GMCL1: variants seen among roughly 807,000 people sequenced by gnomAD.
The protein encoded by GMCL1 is germ cell-less 1, spermatogenesis associated.
Under a neutral mutation model 75.5 loss-of-function variants are expected in GMCL1, and 54 were observed. The observed-to-expected ratio is 0.71, with a 90% CI of 0.57 to 0.90. The LOEUF is 0.90. GMCL1 is among the 40% of genes least tolerant of loss of function. GMCL1 has a pLI of 0.00. For synonymous variants in GMCL1, 210 were observed against 209.6 expected (o/e 1.00, Z -0.02); for missense variants, 537 against 622.7 (o/e 0.86, Z 1.47).
In GMCL1 at chr2:69,864,860, A is replaced by G. The variant is rs35874751; in HGVS notation, c.1143-40A>G. Reference sequence around the variant, plus strand: ...TAGTTCTTTTTTAATTATTAGTTGCATATTTTCTATGAACGTTCATATTTT... The same window carrying G: ...TAGTTCTTTTTTAATTATTAGTTGCGTATTTTCTATGAACGTTCATATTTT... On this transcript the variant is annotated intron_variant, in intron 10 of 13. Coordinates refer to ENST00000282570, the MANE Select transcript of GMCL1 (RefSeq NM_178439.5). The G allele has an allele frequency of 0.025, 32,929 of 1,297,638 alleles. 3,813 individuals carry two copies. The Admixed American group carries it at 0.3, about 12-fold the overall frequency. The allele number at this position is 1,297,638 out of a possible 1,614,324, so 80.4% of individuals were successfully genotyped here.
At chr2:69,844,434 T>A (rs998881204) in intron 6 of GMCL1, 2 of 279,016 alleles carry the variant, frequency 7.2e-6, no homozygotes, top group African/African-American at 4.4e-5. Context: ...ATTACTGTTA[T>A]AAGACTATAG....
At chr2:69,864,252 C>G (rs1427341485) in intron 10 of GMCL1, among the ~76,000 whole-genome samples, 1 of 151,750 alleles carries the variant, frequency 6.6e-6, no homozygotes, top group Non-Finnish European at 1.5e-5. Context: ...TACCCAATTT[C>G]TAGGCATTTC....
intron 4 of GMCL1, among the ~76,000 whole-genome samples, 179 bp downstream of exon 4, chr2:69,841,218 A>G (rs745360446): frequency 3.9e-5 from 6 of 152,342 alleles, no homozygotes; most frequent in Middle Eastern, 3.4e-3. Flanking sequence ...ATTTATTACA[A>G]CCGAGGGAGT....
At chr2:69,831,756 A>C (rs1674679659) in intron 1 of GMCL1, among the ~76,000 whole-genome samples, 1 of 151,998 alleles carries the variant, frequency 6.6e-6, no homozygotes, top group Non-Finnish European at 1.5e-5. Flanking sequence ...ACAGGCATGC[A>C]CCACCACACC....
Position 69,869,535 on chromosome 2 carries a change from G to A in GMCL1, c.1219-184G>A, listed in dbSNP as rs1039478773. On this transcript the variant is annotated intron_variant, in intron 11 of 13. Coordinates refer to ENST00000282570, the MANE Select transcript of GMCL1 (RefSeq NM_178439.5). ...TAGAGAATTATGATCATTAAGGGCA[G>A]CTTTTCTAGCTTAGATAAATAGTTT... The A allele has an allele frequency of 1.3e-5, 7 of 534,672 alleles. No homozygotes were observed. The African/African-American group carries it at 1.3e-4, about 10-fold the overall frequency. 33.1% of individuals were successfully genotyped at this position (534,672 alleles called of 1,614,324 possible).
chr2:69,851,734 C>A (rs537912467), intron 8 of GMCL1, among the ~76,000 whole-genome samples: 1 of 152,086 alleles, frequency 6.6e-6, no homozygotes, highest in Non-Finnish European at 1.5e-5. Context: ...CCACTGCACT[C>A]CAGCCTGGAC....
intron 8 of GMCL1, among the ~76,000 whole-genome samples, chr2:69,852,400 C>A (rs562335287): frequency 1.3e-5 from 2 of 152,278 alleles, no homozygotes; most frequent in African/African-American, 4.8e-5. Context: ...AAATGTATGT[C>A]TGATGCTCTT....
intron 8 of GMCL1, among the ~76,000 whole-genome samples, chr2:69,854,054 C>G (rs1371479237): frequency 6.6e-6 from 1 of 151,980 alleles, no homozygotes; most frequent in Non-Finnish European, 1.5e-5. Flanking sequence ...CCACCCTCCT[C>G]GGCCTCCCAA....
At chr2:69,854,636 G>A (rs1443115914) in intron 8 of GMCL1, among the ~76,000 whole-genome samples, 187 bp from the exon 9 acceptor site, 2 of 151,994 alleles carry the variant, frequency 1.3e-5, no homozygotes, top group Non-Finnish European at 2.9e-5. Context: ...TAATTTCCTG[G>A]GATTTTAAAA....
intron 9 of GMCL1, among the ~76,000 whole-genome samples, chr2:69,856,896 A>G (rs1045513777): frequency 6.6e-6 from 1 of 152,084 alleles, no homozygotes; most frequent in Non-Finnish European, 1.5e-5. Context: ...ATCCAGTCAC[A>G]TAATATGTCC....
At chr2:69,859,790 A>G (rs1163448872) in intron 9 of GMCL1, among the ~76,000 whole-genome samples, 1 of 147,998 alleles carries the variant, frequency 6.8e-6, no homozygotes, top group Non-Finnish European at 1.5e-5. Context: ...GAAAGACACC[A>G]GTAAATCATT....
intron 9 of GMCL1, 27 bp from the exon 10 acceptor site, chr2:69,861,251 T>C: frequency 7.0e-7 from 1 of 1,438,602 alleles, no homozygotes; most frequent in Non-Finnish European, 9.6e-7. Flanking sequence ...CGTTATTTAT[T>C]ATTATTAATT....
intron 13 of GMCL1, among the ~76,000 whole-genome samples, chr2:69,878,421 A>T (rs1370022599): frequency 6.6e-6 from 1 of 152,182 alleles, no homozygotes; most frequent in Non-Finnish European, 1.5e-5. Context: ...ATGAGGCAGG[A>T]AGATCTCTTG....
chr2:69,834,895 GT>G (rs1553369122), intron 1 of GMCL1, among the ~76,000 whole-genome samples: 2 of 150,660 alleles, frequency 1.3e-5, no homozygotes, highest in Non-Finnish European at 3.0e-5. Context: ...TCCTTTCTTT[GT>G]CTTTTTGCTT....
intron 6 of GMCL1, 127 bp from the exon 7 acceptor site, chr2:69,847,416 A>G: frequency 1.4e-6 from 1 of 718,568 alleles, no homozygotes; most frequent in Non-Finnish European, 2.5e-6. Context: ...TGTCTTGGGC[A>G]GAAGGACTGC....
chr2:69,852,445 A>G (rs1348876736), intron 8 of GMCL1, among the ~76,000 whole-genome samples: 5 of 152,176 alleles, frequency 3.3e-5, no homozygotes, highest in East Asian at 1.9e-4. Flanking sequence ...GTCATTTTCA[A>G]TAGTTTTAAA....
At chr2:69,846,006 T>C (rs1416383528) in intron 6 of GMCL1, among the ~76,000 whole-genome samples, 4 of 152,038 alleles carry the variant, frequency 2.6e-5, no homozygotes, top group Non-Finnish European at 4.4e-5. Context: ...TAAATATTTT[T>C]ATGTTTAAAT....
chr2:69,875,240 A>C (rs1200757676), intron 13 of GMCL1, among the ~76,000 whole-genome samples: 1 of 152,156 alleles, frequency 6.6e-6, no homozygotes, highest in Non-Finnish European at 1.5e-5. Flanking sequence ...TCTGAAATGT[A>C]CTGGATGTAT....
chr2:69,865,404 TTG>T (rs1285435998), intron 11 of GMCL1, among the ~76,000 whole-genome samples: 1 of 152,130 alleles, frequency 6.6e-6, no homozygotes, highest in Non-Finnish European at 1.5e-5. Flanking sequence ...TCCCAGCACT[TTG>T]GAAGGCTGAG....
Sources: allele counts gnomAD v4.1 joint callset (sites outside exome capture counted in the v4.1 genomes callset), GRCh38; gene constraint gnomAD v4.1.1; transcripts MANE v1.5; gene names NCBI Gene and HGNC (gene_info 2026-07-23, HGNC 2026-07-21).